Variants in C6orf62 observed in about 807,000 individuals in gnomAD.
C6orf62 encodes chromosome 6 open reading frame 62.
In C6orf62, 16 loss-of-function variants were observed where a neutral mutation model predicts 26.8. The observed-to-expected ratio is 0.60, with a 90% CI of 0.40 to 0.91. The LOEUF (loss-of-function observed/expected upper bound fraction) is 0.91. Ranked by LOEUF, C6orf62 falls within the 40% of genes least tolerant of loss-of-function variation. The probability of loss-of-function intolerance (pLI) is 0.00; values close to 1 mark genes in which losing one functional copy is unlikely to be tolerated. For missense variants in C6orf62, 192 were observed against 271.4 expected (o/e 0.71, Z 2.06); for synonymous variants, 112 against 91.5 (o/e 1.22, Z -1.28).
At chr6:24,706,425 G>T (rs915477772) in intron 4 of C6orf62, among the ~76,000 whole-genome samples, 163 bp from the exon 5 acceptor site, 1 of 152,140 alleles carries the variant, frequency 6.6e-6, no homozygotes, top group Non-Finnish European at 1.5e-5. Flanking sequence ...TGCCATATAA[G>T]ATAAAGGAAA....
chr6:24,714,185 A>G, intron 3 of C6orf62, 133 bp downstream of exon 3: 3 of 653,978 alleles, frequency 4.6e-6, no homozygotes, highest in Middle Eastern at 7.8e-4. Context: ...GCATCACAAT[A>G]TTCTAAATAG....
In C6orf62 at chr6:24,718,635, G is replaced by C. The variant is rs147608879; in HGVS notation, c.34C>G (p.Leu12Val). The C allele has an allele frequency of 1.2e-6, 2 of 1,613,896 alleles. No individual in the cohort carries two copies. The highest frequency in any genetic ancestry group is 1.3e-5 in the African/African-American group (1 of 74,938). Residue 12 changes from leucine to valine, a missense_variant, in exon 1 of 5, where the codon CTG becomes GTG. Physicochemically the swap from Leu to Val is conservative, Grantham distance 32. Transcript: ENST00000378119. ...CTAAGCTGAGCACGTAGTCTGTTCA[G>C]AGCTTGTTTCTTCCGGGAGTTTGGG... ...GDPNSRKKQALNRLRAQLRKK... is the reference protein window; with the variant it reads ...GDPNSRKKQAVNRLRAQLRKK...
chr6:24,709,308 G>T (rs146099274), intron 3 of C6orf62: 2 of 984,986 alleles, frequency 2.0e-6, no homozygotes, highest in African/African-American at 3.5e-5. Context: ...TCATAAAATT[G>T]TATTTTCAAA....
At position 24,708,809 on chromosome 6, in the gene C6orf62, C is replaced by A; in HGVS notation, c.532G>T (p.Val178Leu). The A allele has an allele frequency of 6.2e-7, 1 of 1,614,202 alleles. No individual in the cohort carries two copies. The highest frequency in any genetic ancestry group is 8.5e-7 in the Non-Finnish European group (1 of 1,180,036). The stretch of plus-strand genomic sequence containing the variant: ...TGCTGTCTGTCAATGAAGAGAAACA[C>A]TGACTGGTTAGGATTGTTGACAACG... ...GIVVNNPNQS[V>L]FLFIDRQHLQ... Residue 178 changes from valine (V) to leucine (L), a missense_variant, in exon 4 of 5, where the codon GTG becomes TTG. Coordinates refer to ENST00000378119, the MANE Select transcript of C6orf62 (RefSeq NM_030939.5).
Position 24,705,033 on chromosome 6 carries a change from T to C in C6orf62, c.*1104A>G, listed in dbSNP as rs1394387425. 1 of 150,392 alleles carries C rather than the reference T, an allele frequency of 6.6e-6. No individual in the cohort carries two copies. The highest frequency in any genetic ancestry group is 1.5e-5 in the Non-Finnish European group (1 of 67,556). 9.3% of individuals were successfully genotyped at this position (150,392 alleles called of 1,614,324 possible). On this transcript the variant is annotated 3_prime_UTR_variant, in exon 5 of 5. Coordinates refer to ENST00000378119, the MANE Select transcript of C6orf62 (RefSeq NM_030939.5). ...TCATTCAGATTTACTCCAATAAAAG[T>C]ATGCAACCCTTAAGCAAAGCTTTTC...
At chr6:24,709,168 T>C (rs1313480608) in intron 3 of C6orf62, 13 of 974,892 alleles carry the variant, frequency 1.3e-5, no homozygotes, top group Non-Finnish European at 1.6e-5. Context: ...CTGGCCACCA[T>C]TAAGAACAAT....
Position 24,718,865 on chromosome 6 carries a change from C to G in C6orf62, c.-197G>C. On this transcript the variant is annotated 5_prime_UTR_variant, in exon 1 of 5. Coordinates refer to ENST00000378119, the MANE Select transcript of C6orf62 (RefSeq NM_030939.5). ...ACTGTCATATTACAGGGTCAAGAAA[C>G]AAAAGCTGCTGTCCAGTCATGTTTG... is the stretch of plus-strand genomic sequence containing the variant. 2.1e-6 allele frequency: 3 copies of G among 1,412,466 alleles called. No homozygotes were observed. The highest frequency in any genetic ancestry group is 2.7e-6 in the Non-Finnish European group (3 of 1,091,178). The allele number at this position is 1,412,466 out of a possible 1,614,324, so 87.5% of individuals were successfully genotyped here.
intron 4 of C6orf62, chr6:24,706,835 A>T (rs1365613784): frequency 6.5e-6 from 1 of 153,266 alleles, no homozygotes; most frequent in Non-Finnish European, 1.5e-5. Flanking sequence ...TGCGCCCAGG[A>T]GGTCAAGGCT....
rs2127636986 is a variant in C6orf62, at chr6:24,718,756, G to A, written c.-88C>T. 4.4e-6 allele frequency: 7 copies of A among 1,578,154 alleles called. No homozygotes were observed. Among genetic ancestry groups the A allele is most frequent in the South Asian group, 1.2e-5 (1 of 84,340 alleles). On this transcript the variant is annotated 5_prime_UTR_variant, in exon 1 of 5. Coordinates refer to ENST00000378119, the MANE Select transcript of C6orf62 (RefSeq NM_030939.5). ...TAAGACTCAAGTACAACAGAAACAAGTCATTTTTTTTCCTGCTAATATGAT... is the reference window on the plus strand; with the variant it reads ...TAAGACTCAAGTACAACAGAAACAAATCATTTTTTTTCCTGCTAATATGAT...
intron 3 of C6orf62, among the ~76,000 whole-genome samples, chr6:24,714,116 G>A (rs1463491837): frequency 6.6e-6 from 1 of 152,128 alleles, no homozygotes; most frequent in Non-Finnish European, 1.5e-5. Flanking sequence ...AAGCCACACT[G>A]GGCAGGTGGA....
At chr6:24,719,174 A>T (rs74626959), upstream of C6orf62, 3 of 955,424 alleles carry the variant, frequency 3.1e-6, no homozygotes, top group East Asian at 1.2e-4. Flanking sequence ...AAAAAAAAAA[A>T]ACTCACCAAA....
intron 3 of C6orf62, among the ~76,000 whole-genome samples, chr6:24,712,330 C>T (rs1407681138): frequency 6.6e-6 from 1 of 151,722 alleles, no homozygotes. Context: ...TGCAGTGAGC[C>T]AAGATCACGC....
intron 4 of C6orf62, 129 bp from the exon 5 acceptor site, chr6:24,706,391 C>T (rs1779010629): frequency 1.5e-5 from 21 of 1,356,698 alleles, no homozygotes; most frequent in Non-Finnish European, 1.9e-5. Flanking sequence ...TAGTCCCTAT[C>T]CATATTCTAG....
At chr6:24,712,159 C>A (rs991871360) in intron 3 of C6orf62, among the ~76,000 whole-genome samples, 4 of 151,856 alleles carry the variant, frequency 2.6e-5, no homozygotes, top group African/African-American at 9.7e-5. Flanking sequence ...CCAAGCCAGG[C>A]AGATCACTTG....
Position 24,706,022 on chromosome 6 carries a change from G to C in C6orf62, c.*115C>G, listed in dbSNP as rs183035063. 7 of 1,395,982 alleles carry C rather than the reference G, an allele frequency of 5.0e-6. No homozygotes were observed. The Admixed American group carries it at 2.0e-4, about 39-fold the overall frequency. The allele number at this position is 1,395,982 out of a possible 1,614,324, so 86.5% of individuals were successfully genotyped here. ...GGATGAACAAGTTTCAAAATGCATA[G>C]TGTTCTGTGCATGAGTCCATTTTCT... On this transcript the variant is annotated 3_prime_UTR_variant, in exon 5 of 5. Coordinates refer to ENST00000378119, the MANE Select transcript of C6orf62 (RefSeq NM_030939.5).
chr6:24,717,061 C>G (rs1779248340), intron 1 of C6orf62, among the ~76,000 whole-genome samples: 1 of 152,036 alleles, frequency 6.6e-6, no homozygotes, highest in Admixed American at 6.5e-5. Flanking sequence ...AGAAGCACAC[C>G]AAGTTCTCTT....
intron 1 of C6orf62, among the ~76,000 whole-genome samples, 178 bp downstream of exon 1, chr6:24,718,362 G>A (rs1332326053): frequency 6.6e-6 from 1 of 152,126 alleles, no homozygotes; most frequent in Non-Finnish European, 1.5e-5. Context: ...GGGTCTTTTC[G>A]CATGCTGCAA....
In C6orf62 at chr6:24,709,423, A is replaced by T. The variant is rs138803078; in HGVS notation, c.430-512T>A. The T allele has an allele frequency of 7.6e-4, 746 of 984,898 alleles. 1 individual carries two copies. Among genetic ancestry groups the T allele is most frequent in the South Asian group, 7.6e-3 (161 of 21,258 alleles). The allele number at this position is 984,898 out of a possible 1,614,324, so 61.0% of individuals were successfully genotyped here. On this transcript the variant is annotated intron_variant, in intron 3 of 4. Transcript: ENST00000378119. ...TAATTGCTGTTTCTAAGAAAAAAAA[A>T]AAATAAATCTGTTTATTCTAACCCT...
chr6:24,719,912 A>T (rs941221832), upstream of C6orf62: 17 of 1,548,396 alleles, frequency 1.1e-5, no homozygotes, highest in South Asian at 2.4e-5. Flanking sequence ...TTCATCGTGG[A>T]AACAATTCCC....
Sources: allele counts gnomAD v4.1 joint callset (sites outside exome capture counted in the v4.1 genomes callset), GRCh38; gene constraint gnomAD v4.1.1; transcripts MANE v1.5; gene names NCBI Gene and HGNC (gene_info 2026-07-23, HGNC 2026-07-21).